Variants in GPR132 observed in about 807,000 individuals in gnomAD.
The protein encoded by GPR132 is G protein-coupled receptor 132.
A neutral mutation model predicts 1.9 loss-of-function variants in GPR132; 4 were observed. The observed-to-expected ratio is 2.13, with a 90% CI of 1.05 to 4.87. The LOEUF (loss-of-function observed/expected upper bound fraction) is 4.87, where lower values mean the gene tolerates loss of function less well. Ranked by LOEUF, GPR132 falls within the 30% of genes most tolerant of loss-of-function variation. The pLI is 0.01. For missense variants in GPR132, 404 were observed against 512.5 expected (o/e 0.79, Z 2.04); for synonymous variants, 233 against 234.2 (o/e 0.99, Z 0.05).
chr14:105,056,189 T>TGTGACTG lies in GPR132; in HGVS notation c.-746-30_-746-24dup, dbSNP rs1227309310. 7.1e-6 allele frequency: 7 copies of TGTGACTG among 985,078 alleles called. No individual in the cohort carries two copies. Among genetic ancestry groups the TGTGACTG allele is most frequent in the African/African-American group, 1.8e-5 (1 of 57,088 alleles). The allele number at this position is 985,078 out of a possible 1,614,324, so 61.0% of individuals were successfully genotyped here. On this transcript the variant is annotated intron_variant, in intron 2 of 3. Coordinates refer to ENST00000329797, the MANE Select transcript of GPR132 (RefSeq NM_013345.4). The surrounding 1 kb of genome is among the most constrained non-coding windows in gnomAD (Gnocchi z 6.0). ...TCCCTGGGCAGAGGGAGAGAGTGGG[T>TGTGACTG]GTGACTGGGCTGCCTCACACTCAGT...
Position 105,055,546 on chromosome 14 carries a change from TTGTCTC to T in GPR132, c.-132_-127del. ...CCAGCCCCCAGGCCTCCATTCCACT[TTGTCTC>T]TGTGCGCTGGGCTCCCCTGTCACCT... On this transcript the variant is annotated 5_prime_UTR_variant, in exon 3 of 4. Coordinates refer to ENST00000329797, the MANE Select transcript of GPR132 (RefSeq NM_013345.4). This position sits in a 1 kb window ranked among gnomAD's most constrained non-coding sequence, Gnocchi z 4.7. 1 of 739,744 alleles carries T rather than the reference TTGTCTC, an allele frequency of 1.4e-6. No homozygotes were observed. The highest frequency in any genetic ancestry group is 2.5e-6 in the Non-Finnish European group (1 of 394,098). 45.8% of individuals were successfully genotyped at this position (739,744 alleles called of 1,614,324 possible).
rs1034394778 is a variant in GPR132, at chr14:105,056,555, C to T, written c.-746-389G>A. ...GAGCCGCTCTGGTCTGTTCCCTCCC[C>T]GACTTCCTACGGCTCCCCCACCCCA... On this transcript the variant is annotated intron_variant, in intron 2 of 3. Transcript: ENST00000329797. This position sits in a 1 kb window ranked among gnomAD's most constrained non-coding sequence, Gnocchi z 6.0. Among the ~76,000 whole-genome samples the T allele has an allele frequency of 1.3e-5, 2 of 152,344 alleles. No homozygotes were observed. Among genetic ancestry groups the T allele is most frequent in the Middle Eastern group, 3.4e-3 (1 of 294 alleles).
At position 105,051,316 on chromosome 14, in the gene GPR132, C is replaced by T. The variant is rs751122616; in HGVS notation, c.821G>A (p.Gly274Glu). 3 of 1,614,104 alleles carry T rather than the reference C, an allele frequency of 1.9e-6. No individual in the cohort carries two copies. The South Asian group carries it at 3.3e-5, about 18-fold the overall frequency. The part of the protein sequence containing the change: ...VKAAAFSYYR[G>E]DRNAMCGLEE... ...CAAGCCGCACATGGCGTTCCTGTCT[C>T]CTCTGTAGTAGGAAAAGGCAGCGGC... is the stretch of plus-strand genomic sequence containing the variant. The change falls in exon 4 of 4, where the codon GGA (glycine) becomes GAA (glutamate). Residue 274 changes from glycine to glutamate, a missense_variant. By Grantham distance (98) the Gly-to-Glu change is moderately conservative. Transcript: ENST00000329797. This position sits in a 1 kb window ranked among gnomAD's most constrained non-coding sequence, Gnocchi z 8.0.
At chr14:105,063,561 G>T (rs1188172852) in intron 1 of GPR132, among the ~76,000 whole-genome samples, 1 of 151,792 alleles carries the variant, frequency 6.6e-6, no homozygotes, top group Non-Finnish European at 1.5e-5. Flanking sequence ...ATTTTTAGTA[G>T]AGAAGGGGTT....
At chr14:105,053,677 C>G (rs977340832) in intron 3 of GPR132, among the ~76,000 whole-genome samples, 1 of 151,652 alleles carries the variant, frequency 6.6e-6, no homozygotes, top group African/African-American at 2.4e-5. Flanking sequence ...TCATGTGATA[C>G]CCCTCCTCTC....
intron 1 of GPR132, among the ~76,000 whole-genome samples, chr14:105,062,396 C>T (rs370926999): frequency 2.8e-4 from 43 of 152,352 alleles, no homozygotes; most frequent in African/African-American, 7.2e-4. Context: ...GTGTCCAACC[C>T]GCCTTTCTCC....
At position 105,056,899 on chromosome 14, in the gene GPR132, C is replaced by T. The variant is rs1250002525; in HGVS notation, c.-747+268G>A. Among the ~76,000 whole-genome samples, 3 of 152,218 alleles carry T rather than the reference C, an allele frequency of 2.0e-5. No individual in the cohort carries two copies. Among genetic ancestry groups the T allele is most frequent in the African/African-American group, 7.2e-5 (3 of 41,454 alleles). ...GCTCCCCTGGGACCTGTGGGACAGC[C>T]CCCTGACTCAGTACTGTGTCGCCCT... On this transcript the variant is annotated intron_variant, in intron 2 of 3. Coordinates refer to ENST00000329797, the MANE Select transcript of GPR132 (RefSeq NM_013345.4). This position sits in a 1 kb window ranked among gnomAD's most constrained non-coding sequence, Gnocchi z 6.0.
In GPR132 at chr14:105,055,423, A is replaced by T. The variant is rs1303623690; in HGVS notation, c.-3T>A. The T allele has an allele frequency of 1.3e-6, 1 of 780,942 alleles. No homozygotes were observed. Among genetic ancestry groups the T allele is most frequent in the Non-Finnish European group, 2.4e-6 (1 of 417,992 alleles). The allele number at this position is 780,942 out of a possible 1,614,324, so 48.4% of individuals were successfully genotyped here. ...TTTTTCAGTAGCATTGGGCACATTC[A>T]CATTCTTCTGCAACCATCGCCAGCA... On this transcript the variant is annotated 5_prime_UTR_variant, in exon 3 of 4. An upstream open reading frame in the 5' UTR gains an earlier in-frame stop. Transcript: ENST00000329797. This position sits in a 1 kb window ranked among gnomAD's most constrained non-coding sequence, Gnocchi z 4.7.
chr14:105,055,624 C>T lies in GPR132; in HGVS notation c.-204G>A, dbSNP rs1250256555. 12 of 611,692 alleles carry T rather than the reference C, an allele frequency of 2.0e-5. No homozygotes were observed. Among genetic ancestry groups the T allele is most frequent in the East Asian group, 1.4e-4 (5 of 36,434 alleles). 37.9% of individuals were successfully genotyped at this position (611,692 alleles called of 1,614,324 possible). A position where few individuals can be genotyped will look rare whatever the true frequency, so the allele number is the denominator to read the frequency against. ...TGCGTGTCTTCAGCGTGTGTCCTTCCGTGTCTCACGTGCTCCACTCACCAC... is the reference window on the plus strand; with the variant it reads ...TGCGTGTCTTCAGCGTGTGTCCTTCTGTGTCTCACGTGCTCCACTCACCAC... On this transcript the variant is annotated 5_prime_UTR_variant, in exon 3 of 4. Coordinates refer to ENST00000329797, the MANE Select transcript of GPR132 (RefSeq NM_013345.4). This position sits in a 1 kb window ranked among gnomAD's most constrained non-coding sequence, Gnocchi z 4.7.
intron 3 of GPR132, among the ~76,000 whole-genome samples, chr14:105,052,839 A>T (rs1886687113): frequency 6.6e-6 from 1 of 151,286 alleles, no homozygotes. Context: ...CGCACCTGTA[A>T]TCCCAGCTAC....
intron 1 of GPR132, among the ~76,000 whole-genome samples, chr14:105,058,532 C>T (rs1264386713): frequency 6.6e-6 from 1 of 152,250 alleles, no homozygotes; most frequent in East Asian, 1.9e-4. Flanking sequence ...GCAATGGGTG[C>T]CCGTACACGG....
rs1234492278 is a variant in GPR132 at position 105,049,508 on chromosome 14, C to A, written c.*1486G>T. On this transcript the variant is annotated 3_prime_UTR_variant, in exon 4 of 4. Transcript: ENST00000329797. Reference sequence around the variant, plus strand: ...AAACTCCTGACCTCAACTGATCCTCCCGTCTCGGCCTCCCAAAGTGCTGGG... The same window carrying A: ...AAACTCCTGACCTCAACTGATCCTCACGTCTCGGCCTCCCAAAGTGCTGGG... The A allele has an allele frequency of 1.3e-5, 2 of 152,124 alleles. No homozygotes were observed. The highest frequency in any genetic ancestry group is 4.8e-5 in the African/African-American group (2 of 41,418). The allele number at this position is 152,124 out of a possible 1,614,324, so 9.4% of individuals were successfully genotyped here.
rs533458359 is a variant in GPR132, at chr14:105,060,976, G to A, written c.-860-3696C>T. Among the ~76,000 whole-genome samples the A allele has an allele frequency of 1.8e-4, 27 of 152,404 alleles. 1 individual carries two copies. The highest frequency in any genetic ancestry group is 4.6e-4 in the Admixed American group (7 of 15,310). On this transcript the variant is annotated intron_variant, in intron 1 of 3. Transcript: ENST00000329797. The surrounding 1 kb of genome is among the most constrained non-coding windows in gnomAD (Gnocchi z 6.3). Reference sequence around the variant, plus strand: ...CAGAGACTAGCCAGGGGCAGAGCCGGAGCCACCTTCCCATCCAGCTGGTCC... The same window carrying A: ...CAGAGACTAGCCAGGGGCAGAGCCGAAGCCACCTTCCCATCCAGCTGGTCC...
chr14:105,052,750 C>T (rs930654242), intron 3 of GPR132, among the ~76,000 whole-genome samples: 20 of 150,514 alleles, frequency 1.3e-4, no homozygotes, highest in Admixed American at 1.1e-3. Context: ...TGAGGTCAGG[C>T]GTTTGAGACC....
At position 105,065,063 on chromosome 14, in the gene GPR132, C is replaced by T. The variant is rs1353979363; in HGVS notation, c.-861+316G>A. ...AAAGTCCAGCCCCCTGACTCACCCCCATCTGGACCAGTAGCCAGGGAAGCC... is the reference window on the plus strand; with the variant it reads ...AAAGTCCAGCCCCCTGACTCACCCCTATCTGGACCAGTAGCCAGGGAAGCC... On this transcript the variant is annotated intron_variant, in intron 1 of 3. Transcript: ENST00000329797. Among the ~76,000 whole-genome samples the T allele has an allele frequency of 3.9e-5, 6 of 152,258 alleles. No individual in the cohort carries two copies. The East Asian group carries it at 1.2e-3, about 29-fold the overall frequency.
In GPR132 at chr14:105,051,931, A is replaced by G. The variant is rs777585815; in HGVS notation, c.206T>C (p.Leu69Pro). Residue 69 changes from leucine to proline, a missense_variant, in exon 4 of 4, where the codon CTG (leucine) becomes CCG (proline). Leu to Pro is a moderately conservative substitution (Grantham distance 98). Coordinates refer to ENST00000329797, the MANE Select transcript of GPR132 (RefSeq NM_013345.4). The surrounding 1 kb of genome is among the most constrained non-coding windows in gnomAD (Gnocchi z 8.0). ...CAGCACGTTGCCCTGCAGTACCTGC[A>G]GCAGCGCCAGCCACGCAGTCAGGCA... ...ANCLTAWLAL[L>P]QVLQGNVLAV... The G allele has an allele frequency of 6.2e-7, 1 of 1,613,546 alleles. No homozygotes were observed. Among genetic ancestry groups the G allele is most frequent in the South Asian group, 1.1e-5 (1 of 91,072 alleles).
chr14:105,063,444 G>C (rs1887002601), intron 1 of GPR132, among the ~76,000 whole-genome samples: 1 of 150,762 alleles, frequency 6.6e-6, no homozygotes, highest in South Asian at 2.1e-4. Context: ...GCACGATCTT[G>C]GCTCACTGCA....
Position 105,055,632 on chromosome 14 carries a change from A to C in GPR132, c.-212T>G, listed in dbSNP as rs533662304. The C allele has an allele frequency of 1.8e-5, 11 of 602,560 alleles. No individual in the cohort carries two copies. The South Asian group carries it at 2.2e-4, about 12-fold the overall frequency. 37.3% of individuals were successfully genotyped at this position (602,560 alleles called of 1,614,324 possible). A position where few individuals can be genotyped will look rare whatever the true frequency, so the allele number is the denominator to read the frequency against. ...TTCAGCGTGTGTCCTTCCGTGTCTC[A>C]CGTGCTCCACTCACCACAGTGTCCT... On this transcript the variant is annotated 5_prime_UTR_variant, in exon 3 of 4. Transcript: ENST00000329797. This position sits in a 1 kb window ranked among gnomAD's most constrained non-coding sequence, Gnocchi z 4.7.
intron 2 of GPR132, 92 bp downstream of exon 2, chr14:105,057,075 C>T (rs1395081786): frequency 1.9e-5 from 16 of 859,124 alleles, no homozygotes; most frequent in East Asian, 2.6e-5. Flanking sequence ...TATTTTTATG[C>T]GTTAATTTTT....
Sources: gnomAD v4.1 joint callset for allele counts (sites outside exome capture counted in the v4.1 genomes callset) on GRCh38, gnomAD v4.1.1 for gene constraint, Gnocchi (gnomAD v3.1) non-coding constraint, MANE v1.5 for transcripts, NCBI Gene and HGNC (gene_info 2026-07-23, HGNC 2026-07-21) for gene names.